The following FARS2 variants were observed in gnomAD, a reference collection of about 807,000 sequenced individuals.
FARS2 encodes phenylalanine--tRNA ligase, mitochondrial.
Under a neutral mutation model 46.4 loss-of-function variants are expected in FARS2, and 40 were observed. The ratio of observed to expected loss-of-function variants is 0.86; its 90% confidence interval spans 0.67 to 1.12. The LOEUF (loss-of-function observed/expected upper bound fraction) is 1.12, where lower values mean the gene tolerates loss of function less well. FARS2 is among the 50% of genes most tolerant of loss of function. FARS2 has a pLI of 0.00. For synonymous variants in FARS2, 234 were observed against 214.9 expected (o/e 1.09, Z -0.78); for missense variants, 513 against 567.9 (o/e 0.90, Z 0.98).
chr6:5,769,638 G>A (rs1762930931), intron 6 of FARS2, among the ~76,000 whole-genome samples: 1 of 152,218 alleles, frequency 6.6e-6, no homozygotes, highest in East Asian at 1.9e-4. Context: ...GCCAGGTGGG[G>A]AGAGGATTTG....
At chr6:5,305,232 T>C (rs1337004890) in intron 1 of FARS2, among the ~76,000 whole-genome samples, 1 of 152,250 alleles carries the variant, frequency 6.6e-6, no homozygotes, top group Non-Finnish European at 1.5e-5. Context: ...ATTATAAACA[T>C]TACATGCCTT....
intron 6 of FARS2, among the ~76,000 whole-genome samples, chr6:5,659,727 A>G (rs1038039765): frequency 1.3e-5 from 2 of 152,242 alleles, no homozygotes; most frequent in African/African-American, 2.4e-5. Flanking sequence ...CTTGCCTTCC[A>G]GTAATTTATA....
At chr6:5,733,957 A>C (rs993671181) in intron 6 of FARS2, among the ~76,000 whole-genome samples, 4 of 152,182 alleles carry the variant, frequency 2.6e-5, no homozygotes, top group African/African-American at 9.7e-5. Context: ...TGGATATATG[A>C]ATGTCTAGTG....
At chr6:5,648,679 A>G (rs535412152) in intron 6 of FARS2, among the ~76,000 whole-genome samples, 1 of 151,700 alleles carries the variant, frequency 6.6e-6, no homozygotes, top group Non-Finnish European at 1.5e-5. Context: ...TCTACCCTTC[A>G]TAGGATTCAA....
chr6:5,544,849 A>G (rs908005332), intron 4 of FARS2, among the ~76,000 whole-genome samples: 1 of 152,198 alleles, frequency 6.6e-6, no homozygotes, highest in Admixed American at 6.5e-5. Flanking sequence ...TCAGTGGGCT[A>G]AATGTTTGAA....
intron 1 of FARS2, among the ~76,000 whole-genome samples, chr6:5,278,264 A>T (rs1766477503): frequency 6.6e-6 from 1 of 152,214 alleles, no homozygotes; most frequent in South Asian, 2.1e-4. Context: ...ACCCCTAGGG[A>T]CATTGCAAAG....
chr6:5,629,497 A>T (rs11963691), intron 6 of FARS2, among the ~76,000 whole-genome samples: 8,686 of 152,202 alleles, frequency 0.057, 734 homozygotes, highest in African/African-American at 0.19. Context: ...GTAAGAGTGA[A>T]GTAGTGTGAG....
rs546295064 is a variant in FARS2 at position 5,523,587 on chromosome 6, G to A, written c.905-21593G>A. On this transcript the variant is annotated intron_variant, in intron 4 of 6. Transcript: ENST00000274680. The stretch of plus-strand genomic sequence containing the variant: ...TATGCCTGTGGGCTCTTTCTGCTGC[G>A]GTCGGCTCAGCCGCTGCATCAGACC... 5.9e-5 allele frequency among the ~76,000 whole-genome samples: 9 copies of A among 152,206 alleles called. No homozygotes were observed. In the South Asian group the frequency reaches 6.2e-4, roughly 11 times the overall value.
At chr6:5,256,119 T>C (rs530650797), upstream of FARS2, among the ~76,000 whole-genome samples, 8 of 152,006 alleles carry the variant, frequency 5.3e-5, no homozygotes, top group East Asian at 1.6e-3. Flanking sequence ...AGAAAATTAG[T>C]GGCTACGGAT....
At chr6:5,667,531 A>AAGATT (rs75753357) in intron 6 of FARS2, among the ~76,000 whole-genome samples, 76,841 of 150,588 alleles carry the variant, frequency 0.51, 19,848 homozygotes, top group East Asian at 0.72. Context: ...AAAAAAAAAA[A>AAGATT]AAGATTATAT....
chr6:5,596,309 CCT>C (rs1175156090), intron 5 of FARS2, among the ~76,000 whole-genome samples: 1 of 152,200 alleles, frequency 6.6e-6, no homozygotes, highest in East Asian at 1.9e-4. Flanking sequence ...ACCGTGCACC[CCT>C]GAGTGCAGTT....
rs145565713 is a variant in FARS2 at position 5,534,396 on chromosome 6, G to A, written c.905-10784G>A. On this transcript the variant is annotated intron_variant, in intron 4 of 6. Coordinates refer to ENST00000274680, the MANE Select transcript of FARS2 (RefSeq NM_006567.5). ...TATCTATCTCCAAAATATTTTCATC[G>A]CTTCCACGAGAAACTCTGTACCCAT... is the stretch of plus-strand genomic sequence containing the variant. Among the ~76,000 whole-genome samples, 1,368 of 152,042 alleles carry A rather than the reference G, an allele frequency of 9.0e-3. 17 individuals are homozygous for A. The highest frequency in any genetic ancestry group is 0.025 in the African/African-American group (1,050 of 41,464).
chr6:5,548,555 A>G (rs983722586), intron 5 of FARS2, among the ~76,000 whole-genome samples: 1 of 152,234 alleles, frequency 6.6e-6, no homozygotes, highest in Non-Finnish European at 1.5e-5. Context: ...TCTCTTTTTA[A>G]TATATTGTCA....
intron 5 of FARS2, among the ~76,000 whole-genome samples, chr6:5,569,843 A>G (rs1772539306): frequency 1.3e-5 from 2 of 152,156 alleles, no homozygotes; most frequent in Non-Finnish European, 2.9e-5. Context: ...ATGGCTGTCA[A>G]GAGGACAGAG....
At chr6:5,555,131 G>A (rs543685918) in intron 5 of FARS2, among the ~76,000 whole-genome samples, 2 of 152,192 alleles carry the variant, frequency 1.3e-5, no homozygotes, top group South Asian at 2.1e-4. Flanking sequence ...TAAGTCTCAC[G>A]ACATCTGATG....
intron 4 of FARS2, among the ~76,000 whole-genome samples, chr6:5,510,317 G>A (rs529277723): frequency 1.3e-5 from 2 of 152,242 alleles, no homozygotes; most frequent in African/African-American, 2.4e-5. Flanking sequence ...GACCCCTTAG[G>A]GGAGATGCTG....
intron 1 of FARS2, among the ~76,000 whole-genome samples, chr6:5,272,678 T>C (rs1355985187): frequency 6.6e-6 from 1 of 152,230 alleles, no homozygotes; most frequent in Non-Finnish European, 1.5e-5. Context: ...CAAATTGTTT[T>C]CTTCTAGCTA....
intron 1 of FARS2, among the ~76,000 whole-genome samples, chr6:5,277,082 T>A (rs1766387187): frequency 6.6e-6 from 1 of 152,230 alleles, no homozygotes; most frequent in Admixed American, 6.5e-5. Flanking sequence ...TAACTTACCT[T>A]TCTGTCATTC....
At chr6:5,576,575 CTATG>C (rs1772980969) in intron 5 of FARS2, among the ~76,000 whole-genome samples, 1 of 143,624 alleles carries the variant, frequency 7.0e-6, no homozygotes, top group African/African-American at 2.6e-5. Flanking sequence ...GAGTATATAT[CTATG>C]ATATATACTC....
Sources: gnomAD v4.1 joint callset for allele counts (sites outside exome capture counted in the v4.1 genomes callset) on GRCh38, gnomAD v4.1.1 for gene constraint, MANE v1.5 for transcripts, NCBI Gene and HGNC (gene_info 2026-07-23, HGNC 2026-07-21) for gene names.